The following NIM1K variants were observed in gnomAD, a reference collection of about 807,000 sequenced individuals.
The protein encoded by NIM1K is NIM1 serine/threonine protein kinase.
Under a neutral mutation model 37.1 loss-of-function variants are expected in NIM1K, and 35 were observed. The observed-to-expected ratio is 0.94, with a 90% CI of 0.72 to 1.25. The LOEUF (loss-of-function observed/expected upper bound fraction) is 1.25. NIM1K is among the 50% of genes most tolerant of loss of function. The pLI is 0.00. For missense variants in NIM1K, 564 were observed against 548.0 expected (o/e 1.03, Z -0.29); for synonymous variants, 234 against 206.6 (o/e 1.13, Z -1.14).
chr5:43,196,528 G>A (rs1334855384), intron 1 of NIM1K, among the ~76,000 whole-genome samples: 9 of 151,780 alleles, frequency 5.9e-5, no homozygotes, highest in Non-Finnish European at 1.2e-4. Flanking sequence ...CCAGCTACTC[G>A]GGAGGCTGAG....
At chr5:43,221,695 G>C (rs1280824153) in intron 1 of NIM1K, among the ~76,000 whole-genome samples, 1 of 152,174 alleles carries the variant, frequency 6.6e-6, no homozygotes, top group Non-Finnish European at 1.5e-5. Context: ...GTTATACAGC[G>C]TTTGCCCTGT....
intron 2 of NIM1K, among the ~76,000 whole-genome samples, chr5:43,276,367 C>T (rs12523436): frequency 0.25 from 37,747 of 152,150 alleles, 5,209 homozygotes; most frequent in Middle Eastern, 0.43. Context: ...GAACATGCCA[C>T]AAGATCCCAT....
intron 1 of NIM1K, among the ~76,000 whole-genome samples, chr5:43,202,249 G>A (rs900372011): frequency 5.9e-5 from 9 of 151,968 alleles, no homozygotes; most frequent in Non-Finnish European, 1.2e-4. Flanking sequence ...AATGGCATGG[G>A]CATAATTCAC....
At chr5:43,258,215 C>T (rs1752975411) in intron 2 of NIM1K, among the ~76,000 whole-genome samples, 1 of 152,148 alleles carries the variant, frequency 6.6e-6, no homozygotes, top group Non-Finnish European at 1.5e-5. Flanking sequence ...ATTCTTTTGT[C>T]TTACTTCAAT....
At position 43,216,676 on chromosome 5, in the gene NIM1K, C is replaced by T. The variant is rs746051018; in HGVS notation, c.-695+24265C>T. On this transcript the variant is annotated intron_variant, in intron 1 of 3. Coordinates refer to ENST00000326035, the MANE Select transcript of NIM1K (RefSeq NM_153361.4). The stretch of plus-strand genomic sequence containing the variant: ...GGTGTCTTCAATTTCTTGCCTTCCC[C>T]GATTGTATAAGTCTTTATATTTTGG... 9.0e-4 allele frequency among the ~76,000 whole-genome samples: 137 copies of T among 152,190 alleles called. 1 individual carries two copies. Among genetic ancestry groups the T allele is most frequent in the Non-Finnish European group, 1.4e-3 (96 of 68,014 alleles).
chr5:43,241,406 G>A (rs1464524112), intron 1 of NIM1K, among the ~76,000 whole-genome samples: 1 of 150,644 alleles, frequency 6.6e-6, no homozygotes, highest in East Asian at 1.9e-4. Flanking sequence ...CTCGGCACTC[G>A]GCACTGGGTT....
chr5:43,255,473 G>A (rs560616861), intron 2 of NIM1K, among the ~76,000 whole-genome samples: 5 of 152,256 alleles, frequency 3.3e-5, no homozygotes, highest in Admixed American at 1.3e-4. Flanking sequence ...AAAGAGGGCC[G>A]GGCGCGGTCG....
chr5:43,245,999 G>A lies in NIM1K; in HGVS notation c.224G>A (p.Arg75Gln), dbSNP rs140198619. 1.1e-5 allele frequency: 17 copies of A among 1,614,046 alleles called. No individual in the cohort carries two copies. Among genetic ancestry groups the A allele is most frequent in the East Asian group, 2.2e-5 (1 of 44,868 alleles). Reference sequence around the variant, plus strand: ...CTGGGGAAACGGATAGGCTTCTACCGAATTCGAGGGGAAATCGGAAGTGGA... The same window carrying A: ...CTGGGGAAACGGATAGGCTTCTACCAAATTCGAGGGGAAATCGGAAGTGGA... ...ITLGKRIGFYRIRGEIGSGNF... is the reference protein window; with the variant it reads ...ITLGKRIGFYQIRGEIGSGNF... The change falls in exon 2 of 4, where the codon CGA becomes CAA. Residue 75 changes from arginine to glutamine, a missense_variant. By Grantham distance (43) the Arg-to-Gln change is conservative (BLOSUM62 1). Coordinates refer to ENST00000326035, the MANE Select transcript of NIM1K (RefSeq NM_153361.4).
chr5:43,202,852 C>G (rs977988596), intron 1 of NIM1K, among the ~76,000 whole-genome samples: 9 of 152,162 alleles, frequency 5.9e-5, no homozygotes, highest in Non-Finnish European at 1.2e-4. Context: ...GTTCAGTGAC[C>G]TCACAACATA....
At chr5:43,229,868 G>A (rs745759158) in intron 1 of NIM1K, among the ~76,000 whole-genome samples, 4 of 151,778 alleles carry the variant, frequency 2.6e-5, no homozygotes, top group African/African-American at 7.3e-5. Context: ...TCCTGACCTC[G>A]TGATTTACCC....
At chr5:43,277,900 G>T (rs1484774985) in intron 3 of NIM1K, among the ~76,000 whole-genome samples, 1 of 150,576 alleles carries the variant, frequency 6.6e-6, no homozygotes, top group East Asian at 2.0e-4. Flanking sequence ...AGATCCCCTA[G>T]CTCTTATTGC....
intron 2 of NIM1K, among the ~76,000 whole-genome samples, chr5:43,252,834 G>A (rs1388386867): frequency 2.0e-5 from 3 of 152,062 alleles, no homozygotes; most frequent in Non-Finnish European, 4.4e-5. Context: ...CAAAAGAAGT[G>A]GCAGCGAATG....
At chr5:43,233,183 T>C (rs1218613032) in intron 1 of NIM1K, 1 of 1,193,606 alleles carries the variant, frequency 8.4e-7, no homozygotes, top group African/African-American at 1.5e-5. Context: ...TGATTACTGC[T>C]TCACGGCTGC....
chr5:43,265,194 T>C (rs1039728432), intron 2 of NIM1K, among the ~76,000 whole-genome samples: 2 of 152,278 alleles, frequency 1.3e-5, no homozygotes, highest in African/African-American at 4.8e-5. Flanking sequence ...TTCTCCTGGA[T>C]AATATCCTGC....
At chr5:43,223,221 C>T (rs1022412785) in intron 1 of NIM1K, among the ~76,000 whole-genome samples, 1 of 151,590 alleles carries the variant, frequency 6.6e-6, no homozygotes, top group African/African-American at 2.4e-5. Flanking sequence ...TGCTTAAGAA[C>T]CCTGAGGCTG....
chr5:43,207,285 G>C, intron 1 of NIM1K: 1 of 760,448 alleles, frequency 1.3e-6, no homozygotes, highest in Admixed American at 1.7e-5. Flanking sequence ...CTGGGAGAGA[G>C]AGATGGGGGC....
intron 1 of NIM1K, chr5:43,232,206 T>C (rs1025730482): frequency 4.0e-6 from 4 of 998,610 alleles, no homozygotes; most frequent in Admixed American, 3.5e-5. Flanking sequence ...TTGAGAACCA[T>C]GTCACCACGG....
intron 1 of NIM1K, chr5:43,207,770 T>A (rs1387158136): frequency 2.2e-6 from 1 of 455,540 alleles, no homozygotes; most frequent in African/African-American, 2.0e-5. Flanking sequence ...ATACTTGGAA[T>A]TGTGGGTATT....
intron 1 of NIM1K, chr5:43,231,878 C>T (rs1439461310): frequency 1.3e-5 from 15 of 1,162,574 alleles, no homozygotes; most frequent in African/African-American, 8.1e-5. Flanking sequence ...CCTTATAATC[C>T]TTCTCAAGGG....
Sources: allele counts gnomAD v4.1 joint callset (sites outside exome capture counted in the v4.1 genomes callset), GRCh38; gene constraint gnomAD v4.1.1; transcripts MANE v1.5; gene names NCBI Gene and HGNC (gene_info 2026-07-23, HGNC 2026-07-21).